The following SAMD12 variants were observed in gnomAD, a reference collection of about 807,000 sequenced individuals.
The protein encoded by SAMD12 is sterile alpha motif domain containing 12, also known as sterile alpha motif domain-containing protein 12.
SAMD12 carries 9 observed loss-of-function variants against 15.0 expected under a neutral mutation model. That is an observed-to-expected ratio of 0.60 (90% CI 0.36 to 1.05). The LOEUF (loss-of-function observed/expected upper bound fraction) is 1.05, where lower values mean the gene tolerates loss of function less well. Among genes scored for constraint, SAMD12 ranks in the 50% least tolerant of loss-of-function variants. The pLI is 0.01. For synonymous variants in SAMD12, 86 were observed against 90.1 expected (o/e 0.96, Z 0.25); for missense variants, 230 against 234.2 (o/e 0.98, Z 0.12).
At chr8:118,577,656 C>T (rs1252929628) in intron 2 of SAMD12, among the ~76,000 whole-genome samples, 1 of 152,122 alleles carries the variant, frequency 6.6e-6, no homozygotes, top group Non-Finnish European at 1.5e-5. Context: ...GAGAGAATGT[C>T]AAATCGAAAC....
chr8:118,368,683 C>A (rs1563801588), intron 4 of SAMD12, among the ~76,000 whole-genome samples: 1 of 152,136 alleles, frequency 6.6e-6, no homozygotes, highest in Admixed American at 6.6e-5. Flanking sequence ...ATTGCATTCA[C>A]TGCTTTGAGA....
chr8:118,198,717 G>A (rs766238884), intron 4 of SAMD12, among the ~76,000 whole-genome samples: 22 of 152,128 alleles, frequency 1.4e-4, no homozygotes, highest in Non-Finnish European at 2.8e-4. Flanking sequence ...TACTATGTAA[G>A]TGTATTAAAT....
chr8:118,368,942 G>C (rs1818940485), intron 4 of SAMD12, among the ~76,000 whole-genome samples: 1 of 152,112 alleles, frequency 6.6e-6, no homozygotes, highest in Non-Finnish European at 1.5e-5. Flanking sequence ...TAGCTCATCT[G>C]TTGTAGCACT....
chr8:118,411,898 T>C (rs889727246), intron 3 of SAMD12, among the ~76,000 whole-genome samples: 2 of 152,192 alleles, frequency 1.3e-5, no homozygotes, highest in African/African-American at 4.8e-5. Flanking sequence ...CAACAAGAGT[T>C]GGTCAACTAC....
chr8:118,256,729 A>T (rs894594239), intron 4 of SAMD12, among the ~76,000 whole-genome samples: 3 of 151,208 alleles, frequency 2.0e-5, no homozygotes, highest in Admixed American at 6.6e-5. Context: ...TTGATAAATG[A>T]TTATAAAATG....
intron 4 of SAMD12, among the ~76,000 whole-genome samples, chr8:118,303,061 A>T (rs1434751708): frequency 6.6e-6 from 1 of 152,226 alleles, no homozygotes; most frequent in East Asian, 1.9e-4. Context: ...CTCATCCATC[A>T]TCAAAGACCC....
chr8:118,167,865 G>T, the SAMD12 span, among the ~76,000 whole-genome samples: 7 of 152,234 alleles, frequency 4.6e-5, no homozygotes, highest in South Asian at 1.2e-3. Context: ...CTACAGGTGT[G>T]TTCTTGGGGG....
At chr8:118,348,049 C>T (rs974689200) in intron 4 of SAMD12, among the ~76,000 whole-genome samples, 1 of 152,136 alleles carries the variant, frequency 6.6e-6, no homozygotes, top group Admixed American at 6.5e-5. Context: ...GACACATCAA[C>T]TGCTACAACT....
chr8:118,297,408 T>A (rs1281485900), intron 4 of SAMD12, among the ~76,000 whole-genome samples: 2 of 152,180 alleles, frequency 1.3e-5, no homozygotes, highest in Non-Finnish European at 2.9e-5. Context: ...TACCCAAATG[T>A]TTAAGGGAAG....
chr8:118,191,200 G>C (rs1479756215), exon 5 of SAMD12: 1 of 152,060 alleles, frequency 6.6e-6, no homozygotes, highest in Non-Finnish European at 1.5e-5. Context: ...CAAGAGCCTG[G>C]TATTATTCAG....
intron 4 of SAMD12, among the ~76,000 whole-genome samples, chr8:118,269,549 T>C (rs1441971674): frequency 1.3e-5 from 2 of 152,176 alleles, no homozygotes; most frequent in East Asian, 3.8e-4. Flanking sequence ...CCATAGAGCA[T>C]TGCCTTCTTG....
intron 2 of SAMD12, among the ~76,000 whole-genome samples, chr8:118,522,502 G>A (rs1825418212): frequency 6.6e-6 from 1 of 152,100 alleles, no homozygotes; most frequent in African/African-American, 2.4e-5. Flanking sequence ...GCAAACATAA[G>A]CTTTAATGGA....
chr8:118,401,694 T>C (rs1468102322), intron 3 of SAMD12, among the ~76,000 whole-genome samples: 1 of 152,000 alleles, frequency 6.6e-6, no homozygotes, highest in Admixed American at 6.6e-5. Flanking sequence ...ATGTAAAAGA[T>C]CAAAAAATTT....
chr8:118,248,117 G>A (rs1020694326), intron 4 of SAMD12, among the ~76,000 whole-genome samples: 1 of 152,086 alleles, frequency 6.6e-6, no homozygotes, highest in African/African-American at 2.4e-5. Context: ...AAGGGACAGG[G>A]TCTCTGGAAA....
intron 4 of SAMD12, among the ~76,000 whole-genome samples, chr8:118,203,329 A>G (rs535771777): frequency 3.3e-4 from 50 of 152,186 alleles, no homozygotes; most frequent in African/African-American, 1.1e-3. Context: ...AACTGGATAT[A>G]ATTTTGCCCC....
At chr8:118,590,632 C>T (rs1827565790) in intron 1 of SAMD12, among the ~76,000 whole-genome samples, 1 of 152,228 alleles carries the variant, frequency 6.6e-6, no homozygotes, top group African/African-American at 2.4e-5. Flanking sequence ...GGTATCTCCT[C>T]TTTTCCCTGG....
intron 2 of SAMD12, among the ~76,000 whole-genome samples, chr8:118,568,350 A>C (rs1192889453): frequency 6.6e-6 from 1 of 152,218 alleles, no homozygotes; most frequent in African/African-American, 2.4e-5. Context: ...AGAAAAGCCT[A>C]GTAGCAGATG....
chr8:118,539,023 C>A (rs1191068638), intron 2 of SAMD12, among the ~76,000 whole-genome samples: 1 of 152,172 alleles, frequency 6.6e-6, no homozygotes, highest in Non-Finnish European at 1.5e-5. Flanking sequence ...AACCTATTGA[C>A]CCTTTCTAGC....
In SAMD12 at chr8:118,439,853, A is replaced by G; in HGVS notation, c.301T>C (p.Phe101Leu). 1 of 1,613,588 alleles carries G rather than the reference A, an allele frequency of 6.2e-7. No homozygotes were observed. Among genetic ancestry groups the G allele is most frequent in the Non-Finnish European group, 8.5e-7 (1 of 1,179,556 alleles). Residue 101 changes from phenylalanine to leucine, a missense_variant, in exon 3 of 4, where the codon TTC (phenylalanine) becomes CTC (leucine). By Grantham distance (22) the Phe-to-Leu change is conservative. Transcript: ENST00000314727. ...PNQYQIYSESFKQHDITGRAL... is the reference protein window; with the variant it reads ...PNQYQIYSESLKQHDITGRAL... Reference sequence around the variant, plus strand: ...TTACCAGTTATGTCATGCTGTTTGAATGACTCACTGTAGATCTGATACTGA... The same window carrying G: ...TTACCAGTTATGTCATGCTGTTTGAGTGACTCACTGTAGATCTGATACTGA...
Sources: allele counts gnomAD v4.1 joint callset (sites outside exome capture counted in the v4.1 genomes callset), GRCh38; gene constraint gnomAD v4.1.1; transcripts MANE v1.5; gene names NCBI Gene and HGNC (gene_info 2026-07-23, HGNC 2026-07-21).